SAMMSON: variants seen among roughly 807,000 people sequenced by gnomAD.
The protein encoded by SAMMSON is survival associated mitochondrial melanoma specific oncogenic non-coding RNA.
chr3:70,234,639 CAA>C (rs34609524), intron 4 of SAMMSON, among the ~76,000 whole-genome samples: 115 of 118,752 alleles, frequency 9.7e-4, no homozygotes, highest in African/African-American at 1.7e-3. Context: ...GACCCTGGCT[CAA>C]AAAAAAAAAA....
intron 9 of SAMMSON, among the ~76,000 whole-genome samples, chr3:70,373,736 T>C (rs1702989009): frequency 6.6e-6 from 1 of 152,220 alleles, no homozygotes; most frequent in Non-Finnish European, 1.5e-5. Flanking sequence ...TCCATTTTGC[T>C]ATAGAGCCTA....
At chr3:70,024,645 A>C (rs1257715783) in intron 3 of SAMMSON, among the ~76,000 whole-genome samples, 1 of 152,170 alleles carries the variant, frequency 6.6e-6, no homozygotes, top group Non-Finnish European at 1.5e-5. Flanking sequence ...AAAGATACTT[A>C]CATGGAAGAG....
chr3:70,405,538 A>G (rs2106765387), intron 2 of SAMMSON, among the ~76,000 whole-genome samples: 1 of 152,336 alleles, frequency 6.6e-6, no homozygotes, highest in African/African-American at 2.4e-5. Flanking sequence ...CTAGAGATGA[A>G]AATCTAAAAA....
At chr3:70,433,546 T>A (rs1701433122) in intron 2 of SAMMSON, among the ~76,000 whole-genome samples, 1 of 152,166 alleles carries the variant, frequency 6.6e-6, no homozygotes, top group Admixed American at 6.5e-5. Context: ...CTTTTTATAT[T>A]TTGGATACTT....
At chr3:70,004,142 A>G (rs2066916764) in intron 1 of SAMMSON, among the ~76,000 whole-genome samples, 1 of 152,172 alleles carries the variant, frequency 6.6e-6, no homozygotes, top group South Asian at 2.1e-4. Context: ...GTTCATGCAC[A>G]CACACAGACA....
At chr3:70,394,110 C>G (rs1485439553), downstream of SAMMSON, among the ~76,000 whole-genome samples, 1 of 152,262 alleles carries the variant, frequency 6.6e-6, no homozygotes, top group African/African-American at 2.4e-5. Flanking sequence ...ACAGGACTCC[C>G]TGCCAGATTG....
intron 6 of SAMMSON, chr3:70,283,569 C>T (rs973278149): frequency 2.6e-5 from 4 of 152,024 alleles, no homozygotes; most frequent in East Asian, 1.9e-4. Context: ...CCTCTGTTAC[C>T]TCATCTATAC....
chr3:70,034,314 A>T (rs1384978460), intron 3 of SAMMSON, among the ~76,000 whole-genome samples: 1 of 152,198 alleles, frequency 6.6e-6, no homozygotes, highest in Non-Finnish European at 1.5e-5. Context: ...CTGTCTATAG[A>T]TTTTTAAAAG....
At chr3:70,244,158 A>T (rs543293044) in intron 4 of SAMMSON, among the ~76,000 whole-genome samples, 275 of 152,260 alleles carry the variant, frequency 1.8e-3, no homozygotes, top group Middle Eastern at 3.4e-3. Context: ...TTATTTCTTT[A>T]ATCCACTTCA....
chr3:70,323,926 G>A (rs1158872413), intron 7 of SAMMSON, among the ~76,000 whole-genome samples: 2 of 152,072 alleles, frequency 1.3e-5, no homozygotes, highest in Non-Finnish European at 2.9e-5. Context: ...GAGGCAGGGA[G>A]AACTGACACA....
At chr3:70,250,552 A>G (rs1193369455) in intron 6 of SAMMSON, among the ~76,000 whole-genome samples, 1 of 152,188 alleles carries the variant, frequency 6.6e-6, no homozygotes, top group African/African-American at 2.4e-5. Flanking sequence ...TAAAAGAAAA[A>G]CCATTAAACT....
At chr3:70,398,058 G>A (rs1191248500) in intron 2 of SAMMSON, among the ~76,000 whole-genome samples, 1 of 152,152 alleles carries the variant, frequency 6.6e-6, no homozygotes, top group African/African-American at 2.4e-5. Context: ...ACAGTGGCCA[G>A]TGTCTAGAAG....
At chr3:70,321,813 G>A (rs1402964210) in intron 7 of SAMMSON, among the ~76,000 whole-genome samples, 3 of 151,394 alleles carry the variant, frequency 2.0e-5, no homozygotes, top group Non-Finnish European at 3.0e-5. Context: ...TCTCTAAAGG[G>A]GAAAAAAATG....
chr3:70,271,065 A>C (rs139750422), intron 6 of SAMMSON, among the ~76,000 whole-genome samples: 22 of 152,300 alleles, frequency 1.4e-4, no homozygotes, highest in African/African-American at 3.1e-4. Flanking sequence ...ATAAAAAAAA[A>C]CAGTAAATTA....
chr3:70,282,926 A>G (rs1370689882), intron 6 of SAMMSON, among the ~76,000 whole-genome samples: 2 of 152,198 alleles, frequency 1.3e-5, no homozygotes, highest in African/African-American at 2.4e-5. Flanking sequence ...TAAAAGGGGT[A>G]ATAAAAGATG....
chr3:70,013,689 A>AT (rs2066968579), intron 3 of SAMMSON: 1 of 152,102 alleles, frequency 6.6e-6, no homozygotes, highest in South Asian at 2.1e-4. Flanking sequence ...AATTTAACAT[A>AT]TTTTTCTTTT....
chr3:70,434,355 T>C (rs559857216), intron 2 of SAMMSON, among the ~76,000 whole-genome samples: 33 of 152,336 alleles, frequency 2.2e-4, no homozygotes, highest in Non-Finnish European at 4.1e-4. Context: ...ACTTGTTAGA[T>C]TTATATCTAA....
intron 4 of SAMMSON, among the ~76,000 whole-genome samples, chr3:70,232,783 C>T (rs1200095201): frequency 1.3e-5 from 2 of 152,122 alleles, no homozygotes; most frequent in African/African-American, 4.8e-5. Flanking sequence ...CAGGGACTGA[C>T]TTCTTACTGG....
intron 7 of SAMMSON, among the ~76,000 whole-genome samples, chr3:70,341,930 A>C (rs1256982657): frequency 1.3e-5 from 2 of 152,214 alleles, no homozygotes; most frequent in Non-Finnish European, 2.9e-5. Flanking sequence ...CTGTTGATAG[A>C]TATCCCTGGG....
Sources: gnomAD v4.1 joint callset for allele counts (sites outside exome capture counted in the v4.1 genomes callset) on GRCh38, gnomAD v4.1.1 for gene constraint, MANE v1.5 for transcripts, NCBI Gene and HGNC (gene_info 2026-07-23, HGNC 2026-07-21) for gene names.